PRR3: variants seen among roughly 807,000 people sequenced by gnomAD.
PRR3 encodes the protein proline rich 3, also known as proline-rich protein 3.
PRR3 carries 16 observed loss-of-function variants against 22.4 expected under a neutral mutation model. That is an observed-to-expected ratio of 0.71 (90% confidence interval 0.48 to 1.09). The LOEUF (loss-of-function observed/expected upper bound fraction) is 1.09. Among genes scored for constraint, PRR3 ranks in the 50% least tolerant of loss-of-function variants. PRR3 has a pLI of 0.00. For missense variants in PRR3, 224 were observed against 243.4 expected (o/e 0.92, Z 0.53); for synonymous variants, 87 against 88.6 (o/e 0.98, Z 0.10).
Position 30,561,981 on chromosome 6 carries a change from C to T in PRR3, c.317C>T (p.Ala106Val), listed in dbSNP as rs1800667456. The change falls in exon 3 of 4, where the codon GCA becomes GTA. Residue 106 changes from alanine to valine, a missense_variant. Physicochemically the swap from Ala to Val is moderately conservative, Grantham distance 64. Transcript: ENST00000376560. This position sits in a 1 kb window ranked among gnomAD's most constrained non-coding sequence, Gnocchi z 4.0. ...GGTCGTGGTTGGTGGGGAGTCAATG[C>T]AGAACCTCCTTTTCCGGGGCCAGGC... Reference protein sequence around the residue: ...PYGRGWWGVNAEPPFPGPGHG... With the variant: ...PYGRGWWGVNVEPPFPGPGHG... 6.2e-7 allele frequency: 1 copy of T among 1,613,068 alleles called. No individual in the cohort carries two copies. The highest frequency in any genetic ancestry group is 1.3e-5 in the African/African-American group (1 of 75,038).
In PRR3 at chr6:30,557,350, G is replaced by A; in HGVS notation, c.6G>A (p.Pro2=). The A allele has an allele frequency of 1.9e-6, 3 of 1,612,068 alleles. No individual in the cohort carries two copies. The highest frequency in any genetic ancestry group is 2.5e-6 in the Non-Finnish European group (3 of 1,179,612). The change falls in exon 1 of 4, where the codon CCG becomes CCA. Residue 2 remains proline (P), a synonymous_variant. Transcript: ENST00000376560. M[P]KRKKQNHHQP... ...CAGCCATTGCCGCAGACACGATGCC[G>A]AAACGAAAGAAGCAGAATCATCACC... is the stretch of plus-strand genomic sequence containing the variant.
Position 30,562,602 on chromosome 6 carries a change from G to A in PRR3, c.*107G>A. On this transcript the variant is annotated 3_prime_UTR_variant, in exon 4 of 4. Transcript: ENST00000376560. ...CTGTGAGGCTCTTCTAACACCCTCA[G>A]TCAGTGACACACCCATCCCATCCAC... is the stretch of plus-strand genomic sequence containing the variant. 1.4e-6 allele frequency: 1 copy of A among 729,850 alleles called. No individual in the cohort carries two copies. Among genetic ancestry groups the A allele is most frequent in the Middle Eastern group, 2.7e-4 (1 of 3,760 alleles). The allele number at this position is 729,850 out of a possible 1,614,324, so 45.2% of individuals were successfully genotyped here.
chr6:30,562,308 C>A, intron 3 of PRR3, 81 bp from the exon 4 acceptor site: 3 of 1,207,768 alleles, frequency 2.5e-6, no homozygotes, highest in Non-Finnish European at 3.6e-6. Context: ...AAAATCAGTT[C>A]TCCTTCTGTC....
rs183774470 is a variant in PRR3 at position 30,562,543 on chromosome 6, G to T, written c.*48G>T. ...TGGAAGGAGCTCTCTGTGACCTAGC[G>T]GCCATTTATTTCTCTGTAGCCCTAT... is the stretch of plus-strand genomic sequence containing the variant. On this transcript the variant is annotated 3_prime_UTR_variant, in exon 4 of 4. Transcript: ENST00000376560. 5 of 1,229,932 alleles carry T rather than the reference G, an allele frequency of 4.1e-6. No individual in the cohort carries two copies. The African/African-American group carries it at 4.5e-5, about 11-fold the overall frequency. 76.2% of individuals were successfully genotyped at this position (1,229,932 alleles called of 1,614,324 possible).
rs368766584 is a variant in PRR3, at chr6:30,561,972, G to A, written c.308G>A (p.Gly103Glu). 2.5e-6 allele frequency: 4 copies of A among 1,613,048 alleles called. 1 individual carries two copies. In the South Asian group the frequency reaches 3.3e-5, roughly 13 times the overall value. ...AGCCCATATGGTCGTGGTTGGTGGG[G>A]AGTCAATGCAGAACCTCCTTTTCCG... Reference protein sequence around the residue: ...RSSPYGRGWWGVNAEPPFPGP... With the variant: ...RSSPYGRGWWEVNAEPPFPGP... Residue 103 changes from glycine (G) to glutamate (E), a missense_variant, in exon 3 of 4, where the codon GGA (glycine) becomes GAA (glutamate). By Grantham distance (98) the Gly-to-Glu change is moderately conservative. Coordinates refer to ENST00000376560, the MANE Select transcript of PRR3 (RefSeq NM_025263.4). The surrounding 1 kb of genome is among the most constrained non-coding windows in gnomAD (Gnocchi z 4.0).
rs1449504495 is a variant in PRR3 at position 30,561,756 on chromosome 6, A to ATTT, written c.170-73_170-71dup. The ATTT allele has an allele frequency of 2.2e-6, 3 of 1,379,956 alleles. No homozygotes were observed. In the East Asian group the frequency reaches 7.6e-5, roughly 35 times the overall value. 85.5% of individuals were successfully genotyped at this position (1,379,956 alleles called of 1,614,324 possible). A position where few individuals can be genotyped will look rare whatever the true frequency, so the allele number is the denominator to read the frequency against. ...TGTATGCTGTTCTTCAATAAAAAAA[A>ATTT]TTTTTTTAATCACGGTTTATCAGGA... On this transcript the variant is annotated intron_variant, in intron 2 of 3. Transcript: ENST00000376560. The surrounding 1 kb of genome is among the most constrained non-coding windows in gnomAD (Gnocchi z 4.0).
In PRR3 at chr6:30,562,055, C is replaced by T; in HGVS notation, c.391C>T (p.Arg131Ter). The change falls in exon 3 of 4, where the codon CGA becomes TGA. Residue 131 changes from arginine (R) to a stop codon, truncating the protein, a stop_gained. Coordinates refer to ENST00000376560, the MANE Select transcript of PRR3 (RefSeq NM_025263.4). LOFTEE classifies it high-confidence loss of function. ...GSFHKEQRNPRRLKSWSLIKN... is the reference protein window; with the variant it reads ...GSFHKEQRNP ...CTTTCACAAGGAACAGAGAAACCCT[C>T]GAAGGCTCAAAAGCTGGTCTCTTAT... 4.3e-6 allele frequency: 7 copies of T among 1,612,506 alleles called. No homozygotes were observed. Among genetic ancestry groups the T allele is most frequent in the Non-Finnish European group, 5.9e-6 (7 of 1,179,762 alleles).
Position 30,562,671 on chromosome 6 carries a change from G to GC in PRR3, c.*177dup. 1.8e-6 allele frequency: 1 copy of GC among 551,388 alleles called. No individual in the cohort carries two copies. Among genetic ancestry groups the GC allele is most frequent in the Non-Finnish European group, 3.2e-6 (1 of 311,166 alleles). 34.2% of individuals were successfully genotyped at this position (551,388 alleles called of 1,614,324 possible). On this transcript the variant is annotated 3_prime_UTR_variant, in exon 4 of 4. Transcript: ENST00000376560. ...TCCAGAGTGGTGTTGCATCACTGGT[G>GC]CGCGGCATACGCGCTTTCTTCTGAT...
At position 30,562,470 on chromosome 6, in the gene PRR3, C is replaced by A; in HGVS notation, c.542C>A (p.Pro181Gln). The change falls in exon 4 of 4, where the codon CCA (proline) becomes CAA (glutamine). Residue 181 changes from proline to glutamine, a missense_variant. Coordinates refer to ENST00000376560, the MANE Select transcript of PRR3 (RefSeq NM_025263.4). ...GAGGACCTCTGTGCCTTCTACCATC[C>A]AGGCGTCAATGGACCTCCTCTGTGA... ...RYEDLCAFYH[P>Q]GVNGPPL is the part of the protein sequence containing the mutation. 6.2e-7 allele frequency: 1 copy of A among 1,612,452 alleles called. No individual in the cohort carries two copies. The highest frequency in any genetic ancestry group is 8.5e-7 in the Non-Finnish European group (1 of 1,178,442).
chr6:30,557,539 T>C lies in PRR3; in HGVS notation c.106+89T>C, dbSNP rs530127521. ...TAATAAGGTGCGAAGGAGGGGGCTG[T>C]AACGGAAGGAGGAAGGGCGCACGCG... On this transcript the variant is annotated intron_variant, in intron 1 of 3. Coordinates refer to ENST00000376560, the MANE Select transcript of PRR3 (RefSeq NM_025263.4). 2.0e-4 allele frequency: 185 copies of C among 907,662 alleles called. 1 individual carries two copies. The African/African-American group carries it at 2.3e-3, about 11-fold the overall frequency. The allele number at this position is 907,662 out of a possible 1,614,324, so 56.2% of individuals were successfully genotyped here. A position where few individuals can be genotyped will look rare whatever the true frequency, so the allele number is the denominator to read the frequency against.
chr6:30,562,632 T>C lies in PRR3; in HGVS notation c.*137T>C. ...TGACACACCCATCCCATCCACCACT[T>C]CCCCCGTGTGGGGTCCAGAGTGGTG... is the stretch of plus-strand genomic sequence containing the variant. On this transcript the variant is annotated 3_prime_UTR_variant, in exon 4 of 4. Coordinates refer to ENST00000376560, the MANE Select transcript of PRR3 (RefSeq NM_025263.4). The C allele has an allele frequency of 3.2e-6, 2 of 630,240 alleles. No individual in the cohort carries two copies. Among genetic ancestry groups the C allele is most frequent in the Non-Finnish European group, 5.6e-6 (2 of 356,800 alleles). 39.0% of individuals were successfully genotyped at this position (630,240 alleles called of 1,614,324 possible).
Position 30,561,382 on chromosome 6 carries a change from T to C in PRR3, c.170-452T>C, listed in dbSNP as rs1216030863. The C allele has an allele frequency of 6.4e-6, 3 of 465,678 alleles. No homozygotes were observed. The highest frequency in any genetic ancestry group is 1.3e-5 in the Non-Finnish European group (3 of 233,558). The allele number at this position is 465,678 out of a possible 1,614,324, so 28.8% of individuals were successfully genotyped here. A position where few individuals can be genotyped will look rare whatever the true frequency, so the allele number is the denominator to read the frequency against. On this transcript the variant is annotated intron_variant, in intron 2 of 3. Coordinates refer to ENST00000376560, the MANE Select transcript of PRR3 (RefSeq NM_025263.4). The surrounding 1 kb of genome is among the most constrained non-coding windows in gnomAD (Gnocchi z 4.0). ...TCATCAGTAGAATGGATAAATAAAT[T>C]GTTGTGTATGCATGCAATGGGACTA...
intron 1 of PRR3, among the ~76,000 whole-genome samples, chr6:30,557,723 A>T (rs1196873033): frequency 6.6e-6 from 1 of 152,214 alleles, no homozygotes; most frequent in Non-Finnish European, 1.5e-5. Flanking sequence ...CAGTAGGGGA[A>T]AGGGGTAGTA....
upstream of PRR3, chr6:30,557,044 C>T (rs1294448633): frequency 1.6e-5 from 11 of 700,178 alleles, no homozygotes; most frequent in South Asian, 1.3e-4. Context: ...CTCTGTGACA[C>T]ACTCTGAGGA....
At chr6:30,557,212 C>T (rs1454928494), upstream of PRR3, 6 of 767,910 alleles carry the variant, frequency 7.8e-6, no homozygotes, top group Non-Finnish European at 1.1e-5. Flanking sequence ...ATGTTCTCCG[C>T]AACCTTCCGG....
chr6:30,562,134 A>C lies in PRR3; in HGVS notation c.460+10A>C. 6.4e-7 allele frequency: 1 copy of C among 1,556,322 alleles called. No homozygotes were observed. The highest frequency in any genetic ancestry group is 8.7e-7 in the Non-Finnish European group (1 of 1,155,036). On this transcript the variant is annotated intron_variant, in intron 3 of 3. Transcript: ENST00000376560. ...CCCCAGGTTATGGAAGGTGAGGTCCATTTTGTTATGCCCATTACTCCCAGA... is the reference window on the plus strand; with the variant it reads ...CCCCAGGTTATGGAAGGTGAGGTCCCTTTTGTTATGCCCATTACTCCCAGA...
upstream of PRR3, chr6:30,557,279 C>A: frequency 1.6e-6 from 2 of 1,276,696 alleles, no homozygotes; most frequent in Non-Finnish European, 2.2e-6. Context: ...GAAGCGGAAA[C>A]AGAATCCCCG....
In PRR3 at chr6:30,562,030, C is replaced by T. The variant is rs778958446; in HGVS notation, c.366C>T (p.Ser122=). ...GPGHGGPTRG[S]FHKEQRNPRR... is the part of the protein sequence containing the mutation. ...GCCATGGGGGTCCCACCAGGGGAAG[C>T]TTTCACAAGGAACAGAGAAACCCTC... Residue 122 remains serine (S), a synonymous_variant, in exon 3 of 4, where the codon AGC becomes AGT. Transcript: ENST00000376560. The T allele has an allele frequency of 6.2e-7, 1 of 1,612,994 alleles. No homozygotes were observed. Among genetic ancestry groups the T allele is most frequent in the South Asian group, 1.1e-5 (1 of 91,072 alleles).
At chr6:30,556,762 T>A, upstream of PRR3, 1 of 409,050 alleles carries the variant, frequency 2.4e-6, no homozygotes, top group Non-Finnish European at 4.5e-6. The surrounding 1 kb of genome is among the most constrained non-coding windows in gnomAD (Gnocchi z 5.7). Flanking sequence ...CGGTCAGAGG[T>A]CTTTAGGGGA....
Sources: gnomAD v4.1 joint callset for allele counts (sites outside exome capture counted in the v4.1 genomes callset) on GRCh38, gnomAD v4.1.1 for gene constraint, Gnocchi (gnomAD v3.1) non-coding constraint, MANE v1.5 for transcripts, NCBI Gene and HGNC (gene_info 2026-07-23, HGNC 2026-07-21) for gene names.